The following ROBO2 variants were observed in gnomAD, a reference collection of about 807,000 sequenced individuals.
ROBO2 encodes the protein roundabout guidance receptor 2.
A neutral mutation model predicts 160.8 loss-of-function variants in ROBO2; 53 were observed. That is an observed-to-expected ratio of 0.33 (90% CI 0.26 to 0.41). The LOEUF (loss-of-function observed/expected upper bound fraction) is 0.41. ROBO2 is among the 10% of genes least tolerant of loss of function. The probability of loss-of-function intolerance (pLI) is 1.00; values close to 1 mark genes in which losing one functional copy is unlikely to be tolerated. For synonymous variants in ROBO2, 664 were observed against 611.7 expected (o/e 1.09, Z -1.26); for missense variants, 1,577 against 1,722.4 (o/e 0.92, Z 1.49).
chr3:76,820,109 G>A (rs988183194), intron 2 of ROBO2, among the ~76,000 whole-genome samples: 2 of 151,856 alleles, frequency 1.3e-5, no homozygotes, highest in Non-Finnish European at 2.9e-5. Flanking sequence ...TATTGAAAAA[G>A]GCCTGTTAAT....
intron 2 of ROBO2, among the ~76,000 whole-genome samples, chr3:76,918,308 C>T (rs1282918288): frequency 6.6e-6 from 1 of 152,120 alleles, no homozygotes; most frequent in Non-Finnish European, 1.5e-5. Flanking sequence ...GGCATTTCCC[C>T]TCTTTGCACT....
At chr3:76,982,211 T>C (rs1307964432) in intron 2 of ROBO2, among the ~76,000 whole-genome samples, 1 of 152,220 alleles carries the variant, frequency 6.6e-6, no homozygotes, top group African/African-American at 2.4e-5. Context: ...TTTTATATTC[T>C]TACATTTCAG....
intron 2 of ROBO2, among the ~76,000 whole-genome samples, chr3:76,772,307 A>G (rs562024800): frequency 4.6e-5 from 7 of 151,086 alleles, no homozygotes; most frequent in Admixed American, 1.3e-4. Flanking sequence ...CTTTCTCAAT[A>G]TGTTTTAAAA....
chr3:76,199,514 A>G (rs1702419677), intron 2 of ROBO2, among the ~76,000 whole-genome samples: 1 of 152,122 alleles, frequency 6.6e-6, no homozygotes, highest in South Asian at 2.1e-4. Context: ...CTGCCACAAA[A>G]TAACCCCGTA....
intron 2 of ROBO2, among the ~76,000 whole-genome samples, chr3:76,992,854 G>A (rs2060768922): frequency 6.6e-6 from 1 of 152,086 alleles, no homozygotes; most frequent in South Asian, 2.1e-4. Flanking sequence ...GTCTCACTCT[G>A]TCATCCAGGC....
intron 2 of ROBO2, among the ~76,000 whole-genome samples, chr3:76,482,275 T>C (rs1005812273): frequency 6.6e-6 from 1 of 152,132 alleles, no homozygotes; most frequent in African/African-American, 2.4e-5. Flanking sequence ...ATATGATTGA[T>C]ATCAACAATT....
chr3:76,599,320 C>T (rs1560211547), intron 2 of ROBO2, among the ~76,000 whole-genome samples: 1 of 152,156 alleles, frequency 6.6e-6, no homozygotes, highest in Non-Finnish European at 1.5e-5. Context: ...TGAAAACATG[C>T]AGTATTTGGT....
At chr3:76,653,365 C>T (rs530378692) in intron 2 of ROBO2, among the ~76,000 whole-genome samples, 3 of 150,692 alleles carry the variant, frequency 2.0e-5, no homozygotes, top group South Asian at 4.2e-4. Flanking sequence ...GCATGCTCTG[C>T]TTATACGTAT....
chr3:76,218,396 T>C (rs948855064), intron 2 of ROBO2, among the ~76,000 whole-genome samples: 1 of 152,184 alleles, frequency 6.6e-6, no homozygotes, highest in Non-Finnish European at 1.5e-5. Context: ...GATGAAGTGA[T>C]TGTATATCTA....
chr3:77,123,713 A>C (rs1012677398), intron 2 of ROBO2, among the ~76,000 whole-genome samples: 3 of 142,150 alleles, frequency 2.1e-5, no homozygotes, highest in Non-Finnish European at 4.6e-5. Context: ...ATCTATATAG[A>C]TATATAGATA....
chr3:76,192,989 C>T (rs1702085868), intron 2 of ROBO2, among the ~76,000 whole-genome samples: 1 of 152,036 alleles, frequency 6.6e-6, no homozygotes. Flanking sequence ...TAAATAAGTT[C>T]AGTTATTATA....
intron 2 of ROBO2, among the ~76,000 whole-genome samples, chr3:76,160,835 A>G (rs2106918930): frequency 6.6e-6 from 1 of 152,316 alleles, no homozygotes; most frequent in Middle Eastern, 3.4e-3. Flanking sequence ...CCCATGAAAT[A>G]CACAGAGATT....
intron 2 of ROBO2, among the ~76,000 whole-genome samples, chr3:76,408,642 A>G (rs564537543): frequency 6.6e-6 from 1 of 152,212 alleles, no homozygotes; most frequent in African/African-American, 2.4e-5. Flanking sequence ...ATTATAGAAG[A>G]TGTAAGTTTA....
intron 2 of ROBO2, among the ~76,000 whole-genome samples, chr3:76,599,580 G>C (rs768961909): frequency 6.6e-6 from 1 of 152,092 alleles, no homozygotes; most frequent in Non-Finnish European, 1.5e-5. Flanking sequence ...TGGTATTGCT[G>C]GTTCAAATGT....
chr3:76,269,369 G>A (rs1392497291), intron 2 of ROBO2, among the ~76,000 whole-genome samples: 4 of 151,892 alleles, frequency 2.6e-5, no homozygotes, highest in Non-Finnish European at 5.9e-5. Flanking sequence ...CTCTCTTCTT[G>A]AAGCTCTTTC....
At chr3:77,163,084 C>A (rs552064051) in intron 2 of ROBO2, among the ~76,000 whole-genome samples, 1 of 152,196 alleles carries the variant, frequency 6.6e-6, no homozygotes, top group East Asian at 1.9e-4. Context: ...GATCCGCCTG[C>A]CTCTTCCTCC....
At chr3:76,030,667 A>C (rs2066890238) in intron 2 of ROBO2, among the ~76,000 whole-genome samples, 1 of 152,196 alleles carries the variant, frequency 6.6e-6, no homozygotes, top group Non-Finnish European at 1.5e-5. Flanking sequence ...GTCAAAGATC[A>C]GATGGTTGTA....
chr3:77,455,534 C>A (rs894894717), intron 2 of ROBO2, among the ~76,000 whole-genome samples: 3 of 152,136 alleles, frequency 2.0e-5, no homozygotes, highest in African/African-American at 7.2e-5. Flanking sequence ...CTGGTTCAAG[C>A]TATTCACCCA....
intron 2 of ROBO2, among the ~76,000 whole-genome samples, chr3:76,137,872 C>T (rs1404697999): frequency 2.0e-5 from 3 of 151,842 alleles, no homozygotes; most frequent in African/African-American, 4.8e-5. Context: ...AAGTGTTCTC[C>T]AGTTTTAGGG....
Sources: allele counts gnomAD v4.1 joint callset (sites outside exome capture counted in the v4.1 genomes callset), GRCh38; gene constraint gnomAD v4.1.1; transcripts MANE v1.5; gene names NCBI Gene and HGNC (gene_info 2026-07-23, HGNC 2026-07-21).